MIPOL1: variants seen among roughly 807,000 people sequenced by gnomAD.
MIPOL1 encodes the protein mirror-image polydactyly gene 1 protein.
Under a neutral mutation model 60.9 loss-of-function variants are expected in MIPOL1, and 57 were observed. That is an observed-to-expected ratio of 0.94 (90% CI 0.76 to 1.17). MIPOL1 has a LOEUF of 1.17. Among genes scored for constraint, MIPOL1 ranks in the 50% most tolerant of loss-of-function variants. MIPOL1 has a pLI of 0.00. For synonymous variants in MIPOL1, 179 were observed against 168.8 expected (o/e 1.06, Z -0.47); for missense variants, 551 against 511.6 (o/e 1.08, Z -0.74).
intron 10 of MIPOL1, among the ~76,000 whole-genome samples, chr14:37,371,029 A>G (rs539881605): frequency 6.6e-6 from 1 of 152,092 alleles, no homozygotes; most frequent in Non-Finnish European, 1.5e-5. Context: ...TAATTTCATG[A>G]TCTTTATTCT....
chr14:37,278,014 A>G (rs2083807362), intron 6 of MIPOL1: 1 of 151,516 alleles, frequency 6.6e-6, no homozygotes, highest in Non-Finnish European at 1.5e-5. Flanking sequence ...TATACTAAAT[A>G]TTTTTCTCCT....
intron 12 of MIPOL1, among the ~76,000 whole-genome samples, chr14:37,539,500 G>T (rs572617585): frequency 6.2e-4 from 92 of 149,426 alleles, no homozygotes; most frequent in African/African-American, 2.2e-3. Flanking sequence ...ATTTCCCTTT[G>T]TAATGAACCA....
chr14:37,283,373 G>A (rs1195272109), intron 6 of MIPOL1, among the ~76,000 whole-genome samples: 1 of 151,956 alleles, frequency 6.6e-6, no homozygotes, highest in African/African-American at 2.4e-5. Context: ...GGCGCCTCAT[G>A]CTGTTTTGAA....
At chr14:37,531,169 G>A (rs941783192) in intron 12 of MIPOL1, among the ~76,000 whole-genome samples, 1 of 152,066 alleles carries the variant, frequency 6.6e-6, no homozygotes, top group Admixed American at 6.6e-5. Flanking sequence ...ATGAAGGATG[G>A]ACAATGAATA....
intron 12 of MIPOL1, among the ~76,000 whole-genome samples, chr14:37,515,495 A>G (rs1424403221): frequency 6.6e-6 from 1 of 152,160 alleles, no homozygotes; most frequent in Non-Finnish European, 1.5e-5. Context: ...TCATCTTTTT[A>G]GTTTTTCGTT....
intron 3 of MIPOL1, among the ~76,000 whole-genome samples, chr14:37,253,784 A>G (rs1009182628): frequency 3.5e-4 from 53 of 151,774 alleles, no homozygotes; most frequent in Non-Finnish European, 3.0e-5. Flanking sequence ...AGTATATTTG[A>G]TAGACTATAG....
intron 9 of MIPOL1, among the ~76,000 whole-genome samples, chr14:37,355,203 A>T (rs1228623174): frequency 6.8e-6 from 1 of 146,482 alleles, no homozygotes; most frequent in East Asian, 2.1e-4. Context: ...TGGGTTGAAA[A>T]TTCTTTTCTT....
In MIPOL1 at chr14:37,285,304, A is replaced by G; in HGVS notation, c.494-14A>G. 1 of 1,613,506 alleles carries G rather than the reference A, an allele frequency of 6.2e-7. No homozygotes were observed. Among genetic ancestry groups the G allele is most frequent in the Non-Finnish European group, 8.5e-7 (1 of 1,179,768 alleles). On this transcript the variant is annotated splice_polypyrimidine_tract_variant and intron_variant, in intron 6 of 12. Coordinates refer to ENST00000684589, the MANE Select transcript of MIPOL1 (RefSeq NM_001388067.1). ...TTTTGTATGATTGATTGTGCGCTTT[A>G]TATATTTTGGTAGCTCTGGTTGAAG...
intron 1 of MIPOL1, among the ~76,000 whole-genome samples, chr14:37,232,745 C>A (rs1970835942): frequency 2.0e-5 from 3 of 152,146 alleles, no homozygotes; most frequent in Admixed American, 1.3e-4. Flanking sequence ...TCATAAGTAT[C>A]ATGTCAGTTG....
At chr14:37,467,516 G>A (rs111966712) in intron 11 of MIPOL1, among the ~76,000 whole-genome samples, 2,301 of 152,216 alleles carry the variant, frequency 0.015, 56 homozygotes, top group African/African-American at 0.051. Flanking sequence ...ATAATAAGTT[G>A]TGGTGAAGTG....
At chr14:37,366,751 A>C (rs539330809) in intron 9 of MIPOL1, among the ~76,000 whole-genome samples, 1 of 152,170 alleles carries the variant, frequency 6.6e-6, no homozygotes, top group East Asian at 1.9e-4. Flanking sequence ...TGGGATGTTG[A>C]TATATCCAGC....
intron 11 of MIPOL1, among the ~76,000 whole-genome samples, chr14:37,438,389 T>A (rs1031988601): frequency 6.6e-6 from 1 of 152,268 alleles, no homozygotes; most frequent in Non-Finnish European, 1.5e-5. Context: ...CCCTTCAACA[T>A]CCTTGTAAGG....
intron 10 of MIPOL1, among the ~76,000 whole-genome samples, chr14:37,391,056 G>A (rs1187985373): frequency 2.0e-5 from 3 of 152,102 alleles, no homozygotes; most frequent in Non-Finnish European, 4.4e-5. Context: ...TCAAAGAACA[G>A]CATTACTGAC....
At chr14:37,422,180 A>G (rs1185720578) in intron 10 of MIPOL1, among the ~76,000 whole-genome samples, 1 of 152,014 alleles carries the variant, frequency 6.6e-6, no homozygotes, top group Non-Finnish European at 1.5e-5. Context: ...AACCTCATTG[A>G]AAAAAACTGA....
Position 37,537,759 on chromosome 14 carries a change from A to G in MIPOL1, c.1263-9146A>G, listed in dbSNP as rs567642402. On this transcript the variant is annotated intron_variant, in intron 12 of 12. Coordinates refer to ENST00000684589, the MANE Select transcript of MIPOL1 (RefSeq NM_001388067.1). ...ACTCTTCAATATAGCTTTCCAGTGA[A>G]TATATATTGAATGTTGAAAGACCAC... 2.3e-3 allele frequency among the ~76,000 whole-genome samples: 349 copies of G among 152,324 alleles called. 3 individuals carry two copies. The highest frequency in any genetic ancestry group is 4.1e-3 in the Non-Finnish European group (282 of 68,020).
chr14:37,379,151 C>T (rs911034736), intron 10 of MIPOL1, among the ~76,000 whole-genome samples: 6 of 152,016 alleles, frequency 3.9e-5, no homozygotes, highest in African/African-American at 1.4e-4. Flanking sequence ...GTCCAGAACT[C>T]AACCTCATAC....
At chr14:37,409,207 A>C (rs1196178639) in intron 10 of MIPOL1, among the ~76,000 whole-genome samples, 1 of 152,186 alleles carries the variant, frequency 6.6e-6, no homozygotes, top group Non-Finnish European at 1.5e-5. Context: ...AAGATCAATC[A>C]AGCACATCAG....
chr14:37,302,753 G>A (rs1231690277), intron 7 of MIPOL1, among the ~76,000 whole-genome samples: 1 of 149,406 alleles, frequency 6.7e-6, no homozygotes, highest in Non-Finnish European at 1.5e-5. Context: ...CTATATATCT[G>A]TGGGTTAATT....
intron 11 of MIPOL1, among the ~76,000 whole-genome samples, chr14:37,443,918 A>T (rs2094292122): frequency 6.6e-6 from 1 of 152,274 alleles, no homozygotes; most frequent in East Asian, 1.9e-4. Flanking sequence ...ATTTCAGTGG[A>T]TGCAGAAAAA....
Sources: allele counts gnomAD v4.1 joint callset (sites outside exome capture counted in the v4.1 genomes callset), GRCh38; gene constraint gnomAD v4.1.1; transcripts MANE v1.5; gene names NCBI Gene and HGNC (gene_info 2026-07-23, HGNC 2026-07-21).